RGL3: variants seen among roughly 807,000 people sequenced by gnomAD.
The protein encoded by RGL3 is ral guanine nucleotide dissociation stimulator-like 3.
Under a neutral mutation model 90.6 loss-of-function variants are expected in RGL3, and 85 were observed. The observed-to-expected ratio is 0.94, with a 90% CI of 0.79 to 1.12. The LOEUF is 1.12. Ranked by LOEUF, RGL3 falls within the 50% of genes most tolerant of loss-of-function variation. The pLI is 0.00. For missense variants in RGL3, 1,034 were observed against 939.2 expected, an observed-to-expected ratio of 1.10 and a Z score of -1.32; for synonymous variants, 408 against 385.5, an observed-to-expected ratio of 1.06 and a Z score of -0.68.
rs750768603 is a variant in RGL3 at position 11,406,497 on chromosome 19, C to T, written c.918G>A (p.Leu306=). Residue 306 remains leucine, a synonymous_variant, in exon 7 of 19, where the codon CTG becomes CTA. Transcript: ENST00000380456. ...AGCCCGGTGCTCCGAGCACGGAACC[C>T]AGCACACAGCCGGTCACGGTGTTGA... ...AQFNTVTGCV[L]GSVLGAPGLA... 2.6e-6 allele frequency: 4 copies of T among 1,555,286 alleles called. No homozygotes were observed. Among genetic ancestry groups the T allele is most frequent in the Non-Finnish European group, 3.5e-6 (4 of 1,152,114 alleles).
Position 11,405,145 on chromosome 19 carries a change from A to C in RGL3, c.1185+2T>G, listed in dbSNP as rs147536415. The C allele has an allele frequency of 4.3e-6, 7 of 1,613,468 alleles. No individual in the cohort carries two copies. The African/African-American group carries it at 8.0e-5, about 18-fold the overall frequency. ...ATCCCTGGAGTCTGCATCCATCTCTACCTGGAAAAGAATCTCTCTGCTGCT... is the reference window on the plus strand; with the variant it reads ...ATCCCTGGAGTCTGCATCCATCTCTCCCTGGAAAAGAATCTCTCTGCTGCT... On this transcript the variant is annotated splice_donor_variant, in intron 9 of 18. Coordinates refer to ENST00000380456, the MANE Select transcript of RGL3 (RefSeq NM_001035223.4). LOFTEE classifies it high-confidence loss of function.
Position 11,416,702 on chromosome 19 carries a change from G to A in RGL3, c.372-35C>T, listed in dbSNP as rs201565020. ...GGCCCCCCAGCAGGTGAAGAAGGGG[G>A]AACCTAGAGGGGGCTTAGGAAGAGG... On this transcript the variant is annotated intron_variant, in intron 3 of 18. Transcript: ENST00000380456. The A allele has an allele frequency of 9.3e-6, 15 of 1,607,454 alleles. No individual in the cohort carries two copies. In the Admixed American group the frequency reaches 2.0e-4, roughly 21 times the overall value.
chr19:11,417,896 C>G (rs2144745586), intron 2 of RGL3, among the ~76,000 whole-genome samples: 1 of 152,260 alleles, frequency 6.6e-6, no homozygotes, highest in Middle Eastern at 3.4e-3. Flanking sequence ...ACAATCATAG[C>G]TCACTGCAGC....
chr19:11,401,696 C>A (rs888471914), intron 13 of RGL3, among the ~76,000 whole-genome samples: 11 of 152,046 alleles, frequency 7.2e-5, no homozygotes, highest in African/African-American at 2.7e-4. Context: ...CCACCGTGCC[C>A]AGCCACGTTC....
chr19:11,415,612 AT>A (rs1439323090), intron 5 of RGL3, among the ~76,000 whole-genome samples: 2 of 151,968 alleles, frequency 1.3e-5, no homozygotes, highest in Admixed American at 6.6e-5. Context: ...AATAGCTGGG[AT>A]TATAGACATG....
intron 5 of RGL3, among the ~76,000 whole-genome samples, chr19:11,412,830 G>T (rs1968896188): frequency 6.6e-6 from 1 of 151,710 alleles, no homozygotes; most frequent in African/African-American, 2.4e-5. Context: ...GCTGGGCCTG[G>T]TGGCGGGCGC....
chr19:11,396,154 A>T lies in RGL3; in HGVS notation c.2014+1090T>A, dbSNP rs1462965213. 4.6e-4 allele frequency among the ~76,000 whole-genome samples: 30 copies of T among 65,874 alleles called. 1 individual carries two copies. Among genetic ancestry groups the T allele is most frequent in the African/African-American group, 1.0e-3 (14 of 13,754 alleles). 43.2% of individuals were successfully genotyped at this position (65,874 alleles called of 152,430 possible). A position where few individuals can be genotyped will look rare whatever the true frequency, so the allele number is the denominator to read the frequency against. ...TCTCTCTCTATATATATATATATAT[A>T]TATATTTTTTTTTTTTTTTTTTTTT... On this transcript the variant is annotated intron_variant, in intron 18 of 18. Coordinates refer to ENST00000380456, the MANE Select transcript of RGL3 (RefSeq NM_001035223.4).
Position 11,418,680 on chromosome 19 carries a change from C to T in RGL3, c.138G>A (p.Gly46=). 10 of 1,554,384 alleles carry T rather than the reference C, an allele frequency of 6.4e-6. No homozygotes were observed. The highest frequency in any genetic ancestry group is 8.7e-6 in the Non-Finnish European group (10 of 1,155,084). The change falls in exon 2 of 19, where the codon GGG becomes GGA. Residue 46 remains glycine, a synonymous_variant. Transcript: ENST00000380456. ...SQRRSPAEGP[G]GSQAPSPIAN... ...CAAACCCCCTCCTCACCTGGCTGCC[C>T]CCGGGGCCCTCCGCCGGGCTCCTGC...
chr19:11,406,978 G>T, intron 5 of RGL3, 114 bp from the exon 6 acceptor site: 2 of 1,101,366 alleles, frequency 1.8e-6, no homozygotes, highest in Non-Finnish European at 2.5e-6. Flanking sequence ...GTAAAACGGA[G>T]AGCTCTCTTA....
In RGL3 at chr19:11,416,058, T is replaced by A. The variant is rs756782871; in HGVS notation, c.516A>T (p.Arg172=). ...HPAHSDLGSV[R]TFLGWAAPGS... ...CTGGGGCCGCCCAGCCCAGAAAGGTTCGGACACTGCCCAGGTCCGAATGGG... is the reference window on the plus strand; with the variant it reads ...CTGGGGCCGCCCAGCCCAGAAAGGTACGGACACTGCCCAGGTCCGAATGGG... The change falls in exon 5 of 19, where the codon CGA becomes CGT. Residue 172 remains arginine, a synonymous_variant. Transcript: ENST00000380456. 3.7e-6 allele frequency: 6 copies of A among 1,613,540 alleles called. No individual in the cohort carries two copies. The highest frequency in any genetic ancestry group is 2.2e-5 in the South Asian group (2 of 91,038).
At chr19:11,406,294 G>T (rs1342900189) in intron 7 of RGL3, 125 bp downstream of exon 7, 4 of 945,794 alleles carry the variant, frequency 4.2e-6, no homozygotes, top group Non-Finnish European at 4.7e-6. Flanking sequence ...TCTCACCCTA[G>T]GTATCAACTT....
intron 18 of RGL3, among the ~76,000 whole-genome samples, chr19:11,396,661 T>G (rs1481984424): frequency 1.0e-4 from 14 of 137,562 alleles, no homozygotes; most frequent in Admixed American, 8.5e-4. Flanking sequence ...CCGTGGACAG[T>G]CTTTTTTTTT....
At position 11,405,426 on chromosome 19, in the gene RGL3, G is replaced by A; in HGVS notation, c.997C>T (p.Arg333Cys). The change falls in exon 8 of 19, where the codon CGC becomes TGC. Residue 333 changes from arginine (R) to cysteine (C), a missense_variant and splice_region_variant. Physicochemically the swap from Arg to Cys is radical, Grantham distance 180. Transcript: ENST00000380456. The stretch of plus-strand genomic sequence containing the variant: ...GAGAAGTTCCGCAGTTCTCGGCAGC[G>A]CTGCCAGGCGGTGGGGACGCAGGTC... ...RLEKWIRIAQ[R>C]CRELRNFSSL... 6.3e-7 allele frequency: 1 copy of A among 1,579,614 alleles called. No individual in the cohort carries two copies. The highest frequency in any genetic ancestry group is 8.6e-7 in the Non-Finnish European group (1 of 1,163,994).
At position 11,399,782 on chromosome 19, in the gene RGL3, T is replaced by G. The variant is rs924238069; in HGVS notation, c.1746+73A>C. 7.0e-6 allele frequency: 6 copies of G among 853,462 alleles called. No individual in the cohort carries two copies. In the African/African-American group the frequency reaches 1.0e-4, roughly 15 times the overall value. 52.9% of individuals were successfully genotyped at this position (853,462 alleles called of 1,614,324 possible). ...ACAATCCTGTGTGTACACATGTGCA[T>G]GCACACACACGTGCACACACACAGA... is the stretch of plus-strand genomic sequence containing the variant. On this transcript the variant is annotated intron_variant, in intron 16 of 18. Coordinates refer to ENST00000380456, the MANE Select transcript of RGL3 (RefSeq NM_001035223.4).
At position 11,402,642 on chromosome 19, in the gene RGL3, T is replaced by TTA. The variant is rs780779562; in HGVS notation, c.1242+7_1242+8insTA. The TTA allele has an allele frequency of 2.4e-5, 38 of 1,613,860 alleles. No individual in the cohort carries two copies. In the East Asian group the frequency reaches 6.9e-4, roughly 29 times the overall value. On this transcript the variant is annotated splice_region_variant and intron_variant, in intron 10 of 18. Coordinates refer to ENST00000380456, the MANE Select transcript of RGL3 (RefSeq NM_001035223.4). ...CACTTGTCCCCATCCCAAACTGTAA[T>TTA]CACTCACTGAGGGCAGGCTGCCTGG...
intron 5 of RGL3, chr19:11,411,310 T>C (rs544465092): frequency 6.6e-6 from 1 of 151,580 alleles, no homozygotes; most frequent in South Asian, 2.1e-4. Context: ...TTCCCCCAGC[T>C]CTATCGCCTG....
At chr19:11,395,534 T>A (rs1192666561) in intron 18 of RGL3, among the ~76,000 whole-genome samples, 1 of 152,136 alleles carries the variant, frequency 6.6e-6, no homozygotes, top group African/African-American at 2.4e-5. Context: ...TAGTCTCCCA[T>A]CCCATCAGGT....
Position 11,400,283 on chromosome 19 carries a change from C to T in RGL3, c.1499G>A (p.Arg500Gln), listed in dbSNP as rs117608091. ...LTEEQSYRLS[R>Q]VIEPPAASCP... ...GGAGGCAGCTGGTGGCTCAATGACC[C>T]GGGAGAGCCGGTAGCTGAGGGGTCA... Residue 500 changes from arginine (R) to glutamine (Q), a missense_variant, in exon 14 of 19, where the codon CGG (arginine) becomes CAG (glutamine). By Grantham distance (43) the Arg-to-Gln change is conservative. Transcript: ENST00000380456. The T allele has an allele frequency of 1.4e-3, 2,232 of 1,587,388 alleles. 4 individuals carry two copies. The highest frequency in any genetic ancestry group is 1.8e-3 in the Non-Finnish European group (2,049 of 1,166,814).
chr19:11,403,043 G>A (rs778634228), intron 9 of RGL3, among the ~76,000 whole-genome samples: 77 of 152,050 alleles, frequency 5.1e-4, no homozygotes, highest in African/African-American at 1.8e-3. Context: ...GAGAAGCAGA[G>A]GCTGCACTCT....
Sources: allele counts gnomAD v4.1 joint callset (sites outside exome capture counted in the v4.1 genomes callset), GRCh38; gene constraint gnomAD v4.1.1; transcripts MANE v1.5; gene names NCBI Gene and HGNC (gene_info 2026-07-23, HGNC 2026-07-21).